Variants in KCNQ4 observed in about 807,000 individuals in gnomAD.
KCNQ4 encodes the protein potassium voltage-gated channel subfamily KQT member 4.
In KCNQ4, 31 loss-of-function variants were observed where a neutral mutation model predicts 72.6. The ratio of observed to expected loss-of-function variants is 0.43; its 90% CI spans 0.32 to 0.58. The LOEUF (loss-of-function observed/expected upper bound fraction) is 0.58. Among genes scored for constraint, KCNQ4 ranks in the 20% least tolerant of loss-of-function variants. The pLI is 0.08. For synonymous variants in KCNQ4, 405 were observed against 403.7 expected (o/e 1.00, Z -0.04); for missense variants, 869 against 962.6 (o/e 0.90, Z 1.29).
chr1:40,835,158 T>G, intron 12 of KCNQ4, 60 bp downstream of exon 12: 11 of 1,588,754 alleles, frequency 6.9e-6, no homozygotes, highest in Admixed American at 1.7e-5. Flanking sequence ...CAGCCCTGAA[T>G]GAAGTCTGAG....
intron 1 of KCNQ4, among the ~76,000 whole-genome samples, chr1:40,813,131 A>G (rs1647975134): frequency 6.6e-6 from 1 of 152,160 alleles, no homozygotes; most frequent in Non-Finnish European, 1.5e-5. Context: ...AGGAGAGTGA[A>G]GAAGGTCAAG....
intron 1 of KCNQ4, among the ~76,000 whole-genome samples, chr1:40,798,410 C>A (rs1249820904): frequency 6.6e-6 from 1 of 152,224 alleles, no homozygotes; most frequent in African/African-American, 2.4e-5. Flanking sequence ...GTCCTCTCTC[C>A]CACTGACAGT....
chr1:40,820,009 G>A (rs765383117), intron 6 of KCNQ4, 24 bp downstream of exon 6: 10 of 1,601,618 alleles, frequency 6.2e-6, no homozygotes, highest in Non-Finnish European at 8.6e-6. Flanking sequence ...TGCTCAGTTG[G>A]TGGGGGAGGC....
intron 1 of KCNQ4, among the ~76,000 whole-genome samples, chr1:40,792,885 G>A (rs1020794010): frequency 6.6e-6 from 1 of 152,058 alleles, no homozygotes; most frequent in Admixed American, 6.5e-5. Flanking sequence ...CTGACAGGTG[G>A]TAGAGGCAGG....
chr1:40,827,712 G>C (rs754918431), intron 9 of KCNQ4, among the ~76,000 whole-genome samples: 2 of 152,124 alleles, frequency 1.3e-5, no homozygotes, highest in Non-Finnish European at 2.9e-5. Flanking sequence ...AGAAACGTGG[G>C]TTCTGGACCA....
chr1:40,826,145 A>G (rs1460120142), intron 9 of KCNQ4, among the ~76,000 whole-genome samples: 4 of 152,208 alleles, frequency 2.6e-5, no homozygotes, highest in Non-Finnish European at 5.9e-5. Context: ...CACCAAAAAC[A>G]CACACACATA....
intron 1 of KCNQ4, among the ~76,000 whole-genome samples, chr1:40,812,618 G>T (rs2148313271): frequency 6.6e-6 from 1 of 152,314 alleles, no homozygotes; most frequent in African/African-American, 2.4e-5. Flanking sequence ...AGAGTATCAA[G>T]GGTATAGAAA....
chr1:40,824,701 C>T (rs956816431), intron 9 of KCNQ4, among the ~76,000 whole-genome samples: 2 of 152,192 alleles, frequency 1.3e-5, no homozygotes, highest in African/African-American at 4.8e-5. Flanking sequence ...CCCCCTCCCC[C>T]GGCATGTTGC....
At chr1:40,810,850 G>C (rs1647913725) in intron 1 of KCNQ4, among the ~76,000 whole-genome samples, 1 of 152,210 alleles carries the variant, frequency 6.6e-6, no homozygotes. Flanking sequence ...GGAAATTGAG[G>C]CCCAGAGCAT....
intron 1 of KCNQ4, chr1:40,805,159 AAAAC>A (rs144946866): frequency 0.33 from 49,867 of 151,462 alleles, 8,929 homozygotes; most frequent in South Asian, 0.4. Flanking sequence ...AAAAATAAAC[AAAAC>A]AAACAAACAA....
In KCNQ4 at chr1:40,835,007, A is replaced by G; in HGVS notation, c.1654A>G (p.Thr552Ala). 6.2e-7 allele frequency: 1 copy of G among 1,614,068 alleles called. No homozygotes were observed. Among genetic ancestry groups the G allele is most frequent in the Non-Finnish European group, 8.5e-7 (1 of 1,179,930 alleles). ...GGTGGCCAAAAGGAAATTCAAGGAG[A>G]CACTGCGACCGTACGACGTGAAGGA... Reference protein sequence around the residue: ...FLVAKRKFKETLRPYDVKDVI... With the variant: ...FLVAKRKFKEALRPYDVKDVI... Residue 552 changes from threonine (T) to alanine (A), a missense_variant, in exon 12 of 14, where the codon ACA becomes GCA. Around this residue, in one of 5 missense-constraint regions of KCNQ4, gnomAD observed 480 missense variants for 501.9 expected, o/e 0.96. Transcript: ENST00000347132.
At chr1:40,792,389 A>T (rs966713562) in intron 1 of KCNQ4, among the ~76,000 whole-genome samples, 13 of 152,138 alleles carry the variant, frequency 8.5e-5, no homozygotes, top group African/African-American at 2.7e-4. Context: ...GCAGGAAGGG[A>T]CTAGGCCTTT....
chr1:40,822,436 G>A (rs765954532), intron 8 of KCNQ4, 34 bp downstream of exon 8: 14 of 556,850 alleles, frequency 2.5e-5, no homozygotes, highest in South Asian at 5.9e-5. Flanking sequence ...TGGGTGGGGG[G>A]CTGGCAGCAA....
intron 4 of KCNQ4, chr1:40,818,888 G>A: frequency 3.1e-6 from 2 of 638,252 alleles, no homozygotes; most frequent in Non-Finnish European, 5.6e-6. Context: ...CTAGGAGTCC[G>A]GACCGGATCA....
At position 40,824,174 on chromosome 1, in the gene KCNQ4, C is replaced by T. The variant is rs887762794; in HGVS notation, c.1208C>T (p.Pro403Leu). The change falls in exon 9 of 14, where the codon CCG becomes CTG. Residue 403 changes from proline (P) to leucine (L), a missense_variant. Pro to Leu is a moderately conservative substitution (Grantham distance 98, BLOSUM62 -3). This residue lies in a region of KCNQ4 where 480 missense variants were observed against 501.9 expected (regional missense o/e 0.96). Transcript: ENST00000347132. The stretch of plus-strand genomic sequence containing the variant: ...CGGCCCCTGGAGGTGCGGCGGGCGC[C>T]GGTACCCGACGGAGCACCCTCCCGT... ...GLRPLEVRRA[P>L]VPDGAPSRYP... The T allele has an allele frequency of 1.3e-5, 21 of 1,559,686 alleles. No homozygotes were observed. Among genetic ancestry groups the T allele is most frequent in the Admixed American group, 3.8e-5 (2 of 52,440 alleles).
In KCNQ4 at chr1:40,814,046, C is replaced by CTTTTTTTTTTT. The variant is rs35243800; in HGVS notation, c.315-3205_315-3195dup. ...ACAGGCGTGAGCCACTGCGCCCGGC[C>CTTTTTTTTTTT]TTTTTTTTTTTTTTTTTTTTTTTTG... On this transcript the variant is annotated intron_variant, in intron 1 of 13. Transcript: ENST00000347132. Among the ~76,000 whole-genome samples the CTTTTTTTTTTT allele has an allele frequency of 2.4e-3, 125 of 52,706 alleles. 14 individuals carry two copies. The highest frequency in any genetic ancestry group is 2.9e-3 in the Non-Finnish European group (88 of 30,094). The allele number at this position is 52,706 out of a possible 152,430, so 34.6% of individuals were successfully genotyped here. A position where few individuals can be genotyped will look rare whatever the true frequency, so the allele number is the denominator to read the frequency against.
At chr1:40,826,175 A>G (rs184566566) in intron 9 of KCNQ4, among the ~76,000 whole-genome samples, 5 of 152,284 alleles carry the variant, frequency 3.3e-5, no homozygotes, top group Admixed American at 3.3e-4. Flanking sequence ...GGTTGGCCAC[A>G]CCTCTGGTGG....
Position 40,784,535 on chromosome 1 carries a change from C to A in KCNQ4, c.314+128C>A, listed in dbSNP as rs969011082. ...GGGCCGACCCTCATCTCTCTCCCCC[C>A]AGGCCTAAGCCCGGTTTCTGATCCC... On this transcript the variant is annotated intron_variant, in intron 1 of 13. Coordinates refer to ENST00000347132, the MANE Select transcript of KCNQ4 (RefSeq NM_004700.4). This position sits in a 1 kb window ranked among gnomAD's most constrained non-coding sequence, Gnocchi z 4.1. 106 of 875,758 alleles carry A rather than the reference C, an allele frequency of 1.2e-4. No individual in the cohort carries two copies. Among genetic ancestry groups the A allele is most frequent in the African/African-American group, 4.9e-4 (30 of 60,714 alleles). The allele number at this position is 875,758 out of a possible 1,614,324, so 54.2% of individuals were successfully genotyped here.
rs1334424054 is a variant in KCNQ4, at chr1:40,818,058, G to A, written c.406-106G>A. 4.1e-5 allele frequency: 61 copies of A among 1,481,638 alleles called. 2 individuals are homozygous for A. Among genetic ancestry groups the A allele is most frequent in the Middle Eastern group, 1.7e-4 (1 of 5,812 alleles). The allele number at this position is 1,481,638 out of a possible 1,614,324, so 91.8% of individuals were successfully genotyped here. A position where few individuals can be genotyped will look rare whatever the true frequency, so the allele number is the denominator to read the frequency against. On this transcript the variant is annotated intron_variant, in intron 2 of 13. Coordinates refer to ENST00000347132, the MANE Select transcript of KCNQ4 (RefSeq NM_004700.4). ...GGAAACTCCAGGAGAGGGGTCCGAG[G>A]AGGCCCTGGTCCCCCTAACCCAGGG...
Sources: allele counts gnomAD v4.1 joint callset (sites outside exome capture counted in the v4.1 genomes callset), GRCh38; gene constraint gnomAD v4.1.1; regional missense constraint gnomAD v4.1.1; non-coding constraint Gnocchi (gnomAD v3.1); transcripts MANE v1.5; gene names NCBI Gene and HGNC (gene_info 2026-07-23, HGNC 2026-07-21).